Variants in NOVA1 observed in about 807,000 individuals in gnomAD.
The protein encoded by NOVA1 is RNA-binding protein Nova-1.
NOVA1 carries 7 observed loss-of-function variants against 38.0 expected under a neutral mutation model. The observed-to-expected ratio is 0.18, with a 90% CI of 0.10 to 0.35. The LOEUF (loss-of-function observed/expected upper bound fraction) is 0.35, where lower values mean the gene tolerates loss of function less well. Among genes scored for constraint, NOVA1 ranks in the 10% least tolerant of loss-of-function variants. The pLI, the probability that NOVA1 is intolerant of heterozygous loss-of-function variation, is 1.00. For synonymous variants in NOVA1, 270 were observed against 232.5 expected (o/e 1.16, Z -1.47); for missense variants, 460 against 616.0 (o/e 0.75, Z 2.68).
intron 2 of NOVA1, among the ~76,000 whole-genome samples, chr14:26,549,969 C>T (rs1891064732): frequency 1.3e-5 from 2 of 151,662 alleles, no homozygotes; most frequent in South Asian, 2.1e-4. Context: ...ATCACTCAGT[C>T]ACAAGAGACC....
chr14:26,569,583 T>A lies in NOVA1; in HGVS notation c.280+25827A>T, dbSNP rs1315368012. Among the ~76,000 whole-genome samples, 3 of 152,222 alleles carry A rather than the reference T, an allele frequency of 2.0e-5. No individual in the cohort carries two copies. In the East Asian group the frequency reaches 5.8e-4, roughly 29 times the overall value. ...TTTTAAAATTACATGTTTCTTGAAA[T>A]CTTACTTGCTTTATCTAGAAAATTC... On this transcript the variant is annotated intron_variant, in intron 2 of 4. Coordinates refer to ENST00000539517, the MANE Select transcript of NOVA1 (RefSeq NM_002515.3).
At chr14:26,574,023 C>CTT (rs780944723) in intron 2 of NOVA1, among the ~76,000 whole-genome samples, 7,249 of 121,022 alleles carry the variant, frequency 0.06, 864 homozygotes, top group African/African-American at 0.21. Flanking sequence ...AAAGATTACA[C>CTT]TTTTTTTTTT....
At chr14:26,577,291 A>G (rs1259383801) in intron 2 of NOVA1, among the ~76,000 whole-genome samples, 1 of 152,148 alleles carries the variant, frequency 6.6e-6, no homozygotes, top group East Asian at 1.9e-4. Flanking sequence ...TATAATGGAT[A>G]TATCGATACT....
At chr14:26,536,363 ATTGT>A (rs1890099461) in intron 2 of NOVA1, among the ~76,000 whole-genome samples, 1 of 152,132 alleles carries the variant, frequency 6.6e-6, no homozygotes, top group Admixed American at 6.5e-5. Context: ...TAAAAATGTA[ATTGT>A]ATTATTTGTA....
intron 2 of NOVA1, among the ~76,000 whole-genome samples, chr14:26,489,892 T>A (rs576651526): frequency 2.6e-4 from 39 of 152,260 alleles, no homozygotes; most frequent in Admixed American, 9.8e-4. Context: ...CTTTTACCCA[T>A]CTTTAGGTGT....
rs5807365 is a variant in NOVA1, at chr14:26,504,777, T to TAA, written c.281-24636_281-24635dup. On this transcript the variant is annotated intron_variant, in intron 2 of 4. Coordinates refer to ENST00000539517, the MANE Select transcript of NOVA1 (RefSeq NM_002515.3). Reference sequence around the variant, plus strand: ...GCTGAATGAACAAACGACAGTAAGTTAAAAAAAAAAAATGGCACCAAACTC... The same window carrying TAA: ...GCTGAATGAACAAACGACAGTAAGTTAAAAAAAAAAAAAATGGCACCAAACTC... 1.0e-3 allele frequency among the ~76,000 whole-genome samples: 154 copies of TAA among 148,318 alleles called. 4 individuals carry two copies. In the South Asian group the frequency reaches 0.02, roughly 19 times the overall value.
intron 4 of NOVA1, among the ~76,000 whole-genome samples, chr14:26,465,239 ATC>A (rs1204489310): frequency 6.6e-6 from 1 of 152,074 alleles, no homozygotes; most frequent in East Asian, 1.9e-4. Flanking sequence ...CAATGGCGTG[ATC>A]TCAGCTCACT....
At chr14:26,582,245 T>C (rs534636153) in intron 2 of NOVA1, among the ~76,000 whole-genome samples, 4 of 152,014 alleles carry the variant, frequency 2.6e-5, no homozygotes, top group Admixed American at 2.6e-4. Flanking sequence ...ATTCTTTACT[T>C]ATACCTTAAA....
intron 2 of NOVA1, among the ~76,000 whole-genome samples, chr14:26,535,185 G>A (rs1179727087): frequency 6.6e-6 from 1 of 152,130 alleles, no homozygotes; most frequent in African/African-American, 2.4e-5. Context: ...ATTGCCTTAA[G>A]TGACATATTT....
chr14:26,582,396 T>G (rs899349697), intron 2 of NOVA1, among the ~76,000 whole-genome samples: 1 of 151,842 alleles, frequency 6.6e-6, no homozygotes, highest in Non-Finnish European at 1.5e-5. Context: ...ATTATGTCCA[T>G]GAGAACTGGA....
chr14:26,495,303 G>T (rs1886678038), intron 2 of NOVA1, among the ~76,000 whole-genome samples: 1 of 152,010 alleles, frequency 6.6e-6, no homozygotes, highest in Non-Finnish European at 1.5e-5. Flanking sequence ...TGAAATTCTT[G>T]TTTGTTGTAA....
Position 26,597,605 on chromosome 14 carries a change from C to G in NOVA1, c.-169G>C. 1 of 1,176,226 alleles carries G rather than the reference C, an allele frequency of 8.5e-7. No homozygotes were observed. Among genetic ancestry groups the G allele is most frequent in the African/African-American group, 1.9e-5 (1 of 52,140 alleles). 72.9% of individuals were successfully genotyped at this position (1,176,226 alleles called of 1,614,324 possible). Reference sequence around the variant, plus strand: ...CTCTTTAGGAAAAAAAGCAATGTTGCTGGTTTGTTCTCACTGGGGAGGGGG... The same window carrying G: ...CTCTTTAGGAAAAAAAGCAATGTTGGTGGTTTGTTCTCACTGGGGAGGGGG... On this transcript the variant is annotated 5_prime_UTR_variant, in exon 1 of 5. Coordinates refer to ENST00000539517, the MANE Select transcript of NOVA1 (RefSeq NM_002515.3).
At chr14:26,546,634 C>T (rs1173034372) in intron 2 of NOVA1, among the ~76,000 whole-genome samples, 1 of 152,156 alleles carries the variant, frequency 6.6e-6, no homozygotes, top group Non-Finnish European at 1.5e-5. Flanking sequence ...TCTAGTATCT[C>T]TTCTTAAAGC....
intron 4 of NOVA1, among the ~76,000 whole-genome samples, chr14:26,461,784 A>AC (rs1247696171): frequency 1.5e-4 from 22 of 150,578 alleles, no homozygotes; most frequent in Non-Finnish European, 5.9e-5. Context: ...AAAAAAAAAA[A>AC]AATTTGCCAG....
intron 2 of NOVA1, among the ~76,000 whole-genome samples, chr14:26,509,033 G>T (rs1021580430): frequency 6.6e-6 from 1 of 151,974 alleles, no homozygotes; most frequent in Non-Finnish European, 1.5e-5. Context: ...AAGGTGGCTT[G>T]CTAACTGCAG....
intron 2 of NOVA1, chr14:26,519,160 C>T (rs1888689940): frequency 6.6e-6 from 1 of 151,314 alleles, no homozygotes; most frequent in South Asian, 2.1e-4. Flanking sequence ...TATATTTCCT[C>T]CAATATAACT....
Position 26,459,576 on chromosome 14 carries a change from T to C in NOVA1, c.520-10613A>G, listed in dbSNP as rs892978654. 2.0e-5 allele frequency among the ~76,000 whole-genome samples: 3 copies of C among 152,236 alleles called. No homozygotes were observed. In the East Asian group the frequency reaches 5.8e-4, roughly 29 times the overall value. On this transcript the variant is annotated intron_variant, in intron 4 of 4. Transcript: ENST00000539517. ...AGTTGATAAATGACAGAAAAGAACA[T>C]TTAGAAAATATTTTAAAATTTTTAA... is the stretch of plus-strand genomic sequence containing the variant.
chr14:26,521,382 T>G (rs1036165073), intron 2 of NOVA1, among the ~76,000 whole-genome samples: 5 of 152,078 alleles, frequency 3.3e-5, no homozygotes, highest in African/African-American at 9.7e-5. Flanking sequence ...TTAAAAAATT[T>G]TAGATCGTTT....
At chr14:26,463,170 T>C (rs1883831055) in intron 4 of NOVA1, among the ~76,000 whole-genome samples, 1 of 152,180 alleles carries the variant, frequency 6.6e-6, no homozygotes, top group African/African-American at 2.4e-5. Context: ...AAGGGTGAAA[T>C]TGGTTTCCAA....
Sources: gnomAD v4.1 joint callset for allele counts (sites outside exome capture counted in the v4.1 genomes callset) on GRCh38, gnomAD v4.1.1 for gene constraint, MANE v1.5 for transcripts, NCBI Gene and HGNC (gene_info 2026-07-23, HGNC 2026-07-21) for gene names.